Variants in RFX8 observed in about 807,000 individuals in gnomAD.
The protein encoded by RFX8 is regulatory factor X8.
In RFX8, 46 loss-of-function variants were observed where a neutral mutation model predicts 54.6. The observed-to-expected ratio is 0.84, with a 90% CI of 0.67 to 1.08. The LOEUF (loss-of-function observed/expected upper bound fraction) is 1.08. Ranked by LOEUF, RFX8 falls within the 50% of genes least tolerant of loss-of-function variation. The pLI is 0.00. For missense variants in RFX8, 536 were observed against 562.3 expected, an observed-to-expected ratio of 0.95 and a Z score of 0.47; for synonymous variants, 192 against 209.5, an observed-to-expected ratio of 0.92 and a Z score of 0.72.
intron 10 of RFX8, among the ~76,000 whole-genome samples, chr2:101,403,409 CAG>C (rs1464338153): frequency 6.6e-6 from 1 of 152,188 alleles, no homozygotes; most frequent in Non-Finnish European, 1.5e-5. Context: ...GCTTGAGAAA[CAG>C]AGGGGGAAAT....
intron 2 of RFX8, among the ~76,000 whole-genome samples, chr2:101,439,069 T>C (rs1687944654): frequency 6.6e-6 from 1 of 152,176 alleles, no homozygotes; most frequent in South Asian, 2.1e-4. Context: ...TGCCTCAGTC[T>C]CCCAAAGTGC....
At position 101,424,989 on chromosome 2, in the gene RFX8, C is replaced by T. The variant is rs112386515; in HGVS notation, c.73-2517G>A. On this transcript the variant is annotated intron_variant, in intron 2 of 11. Coordinates refer to ENST00000428343, the MANE Select transcript of RFX8 (RefSeq NM_001145664.2). ...ATGTAACAAACCTGCACGTTGTGCACATGTACCCTATAACTTAAAGTATAA... is the reference window on the plus strand; with the variant it reads ...ATGTAACAAACCTGCACGTTGTGCATATGTACCCTATAACTTAAAGTATAA... 3.7e-3 allele frequency among the ~76,000 whole-genome samples: 555 copies of T among 151,702 alleles called. 6 individuals carry two copies. The highest frequency in any genetic ancestry group is 0.013 in the African/African-American group (519 of 41,354).
chr2:101,465,050 A>G (rs754891866), intron 2 of RFX8, among the ~76,000 whole-genome samples: 1 of 152,156 alleles, frequency 6.6e-6, no homozygotes, highest in African/African-American at 2.4e-5. Flanking sequence ...TATGACCTGG[A>G]TGATAGCAGC....
intron 2 of RFX8, 54 bp downstream of exon 2, chr2:101,466,723 G>C: frequency 1.6e-6 from 2 of 1,255,106 alleles, no homozygotes; most frequent in Admixed American, 4.0e-5. Flanking sequence ...CCAATAACTT[G>C]CTTCCCTTTT....
At chr2:101,453,380 G>A (rs926551420) in intron 2 of RFX8, among the ~76,000 whole-genome samples, 1 of 152,068 alleles carries the variant, frequency 6.6e-6, no homozygotes, top group East Asian at 1.9e-4. Flanking sequence ...ACTCATGCCT[G>A]TAATCCCAGC....
chr2:101,473,164 C>G (rs558088718), intron 1 of RFX8, among the ~76,000 whole-genome samples: 1 of 152,178 alleles, frequency 6.6e-6, no homozygotes, highest in Non-Finnish European at 1.5e-5. Context: ...AGTTCACAAG[C>G]GGTCTTAGGA....
chr2:101,430,988 G>C (rs2037082), intron 2 of RFX8, among the ~76,000 whole-genome samples: 63,439 of 152,086 alleles, frequency 0.42, 15,293 homozygotes, highest in Non-Finnish European at 0.52. Flanking sequence ...CAACTAAATT[G>C]GAGGAAGGGC....
chr2:101,444,021 T>C (rs367819683), intron 2 of RFX8, among the ~76,000 whole-genome samples: 1 of 152,254 alleles, frequency 6.6e-6, no homozygotes, highest in East Asian at 2.0e-4. Flanking sequence ...ACTCTCCACC[T>C]GCATGCACAG....
chr2:101,418,936 T>G lies in RFX8; in HGVS notation c.266A>C (p.Lys89Thr). ...NVEDLLTSFW[K>T]SLQQDTVMLM... is the part of the protein sequence containing the mutation. ...CATGACTGTGTCTTGCTGCAGAGAC[T>G]TCCAGAAGGAAGTAAGCAAGTCCTC... The change falls in exon 5 of 12, where the codon AAG becomes ACG. Residue 89 changes from lysine (K) to threonine (T), a missense_variant. Lys to Thr is a moderately conservative substitution (Grantham distance 78). Transcript: ENST00000428343. 6.4e-7 allele frequency: 1 copy of G among 1,550,750 alleles called. No homozygotes were observed. Among genetic ancestry groups the G allele is most frequent in the East Asian group, 2.4e-5 (1 of 40,922 alleles).
intron 2 of RFX8, among the ~76,000 whole-genome samples, chr2:101,452,108 A>G (rs7586620): frequency 0.24 from 36,895 of 152,170 alleles, 5,079 homozygotes; most frequent in South Asian, 0.35. Flanking sequence ...AATTATTTAA[A>G]TATTTCAAGA....
At chr2:101,472,233 T>C (rs1306769579) in intron 1 of RFX8, among the ~76,000 whole-genome samples, 3 of 152,152 alleles carry the variant, frequency 2.0e-5, no homozygotes, top group Admixed American at 6.5e-5. Context: ...TCAGAGTAGC[T>C]GGGATTTACA....
chr2:101,469,123 A>C (rs1436475358), intron 1 of RFX8, among the ~76,000 whole-genome samples: 7 of 105,632 alleles, frequency 6.6e-5, no homozygotes, highest in Non-Finnish European at 1.1e-4. Flanking sequence ...TATATATATA[A>C]GTATATATAT....
chr2:101,410,225 G>T (rs529441927), intron 9 of RFX8, among the ~76,000 whole-genome samples: 2 of 150,636 alleles, frequency 1.3e-5, no homozygotes, highest in South Asian at 4.2e-4. Context: ...ATCCATGCAT[G>T]CTCACCCACA....
At chr2:101,436,942 C>T (rs1237386021) in intron 2 of RFX8, among the ~76,000 whole-genome samples, 5 of 152,272 alleles carry the variant, frequency 3.3e-5, no homozygotes, top group Middle Eastern at 3.4e-3. Context: ...GAAGGAGTCG[C>T]ACTCCAACCA....
intron 9 of RFX8, among the ~76,000 whole-genome samples, chr2:101,407,210 T>C (rs1217676626): frequency 1.3e-5 from 2 of 152,342 alleles, no homozygotes; most frequent in African/African-American, 4.8e-5. Context: ...TTGCTTCTTT[T>C]CCCTTCTGCC....
chr2:101,397,828 C>T, intron 11 of RFX8, 104 bp from the exon 12 acceptor site: 1 of 921,074 alleles, frequency 1.1e-6, no homozygotes, highest in East Asian at 2.8e-5. Flanking sequence ...CGTGCTCCCA[C>T]CCTGGGATGT....
chr2:101,461,626 C>A (rs1689286248), intron 2 of RFX8, among the ~76,000 whole-genome samples: 1 of 152,248 alleles, frequency 6.6e-6, no homozygotes, highest in Admixed American at 6.5e-5. Context: ...TACTGAGTCA[C>A]CCCAACCCCA....
intron 9 of RFX8, among the ~76,000 whole-genome samples, chr2:101,408,995 C>G (rs1028065709): frequency 1.3e-5 from 2 of 152,238 alleles, no homozygotes; most frequent in African/African-American, 2.4e-5. Flanking sequence ...AGTCTTTGCT[C>G]TCTCCACCAG....
chr2:101,429,313 A>G (rs929686801), intron 2 of RFX8, among the ~76,000 whole-genome samples: 4 of 152,344 alleles, frequency 2.6e-5, no homozygotes, highest in African/African-American at 9.6e-5. Flanking sequence ...AAAAATCATC[A>G]TGAACGTGAA....
Sources: gnomAD v4.1 joint callset for allele counts (sites outside exome capture counted in the v4.1 genomes callset) on GRCh38, gnomAD v4.1.1 for gene constraint, MANE v1.5 for transcripts, NCBI Gene and HGNC (gene_info 2026-07-23, HGNC 2026-07-21) for gene names.